The following THSD7B variants were observed in gnomAD, a reference collection of about 807,000 sequenced individuals.
THSD7B encodes thrombospondin type-1 domain-containing protein 7B.
Under a neutral mutation model 213.6 loss-of-function variants are expected in THSD7B, and 138 were observed. The ratio of observed to expected loss-of-function variants is 0.65; its 90% CI spans 0.56 to 0.74. THSD7B has a LOEUF of 0.74. Among genes scored for constraint, THSD7B ranks in the 30% least tolerant of loss-of-function variants. The pLI is 0.00. For missense variants in THSD7B, 1,931 were observed against 1,991.5 expected, an observed-to-expected ratio of 0.97 and a Z score of 0.58; for synonymous variants, 742 against 687.0, an observed-to-expected ratio of 1.08 and a Z score of -1.25.
intron 17 of THSD7B, among the ~76,000 whole-genome samples, chr2:137,598,874 GTTC>G (rs1451897535): frequency 5.2e-5 from 6 of 115,880 alleles, no homozygotes; most frequent in Non-Finnish European, 1.6e-5. Context: ...TTTCATTTTG[GTTC>G]TTTTTTTTTT....
At chr2:137,659,970 A>G (rs1176955962) in intron 25 of THSD7B, among the ~76,000 whole-genome samples, 1 of 152,180 alleles carries the variant, frequency 6.6e-6, no homozygotes, top group Non-Finnish European at 1.5e-5. Flanking sequence ...TCTATCTTTC[A>G]AATACCTAAT....
chr2:137,657,051 A>G lies in THSD7B; in HGVS notation c.4280-14A>G, dbSNP rs367851300. On this transcript the variant is annotated splice_polypyrimidine_tract_variant and intron_variant, in intron 23 of 27. Coordinates refer to ENST00000409968, the MANE Select transcript of THSD7B (RefSeq NM_001316349.2). ...GAGGTGTAATAGAACTGCTATTATCATATTTACTTACAGGAGGCAAATGTT... is the reference window on the plus strand; with the variant it reads ...GAGGTGTAATAGAACTGCTATTATCGTATTTACTTACAGGAGGCAAATGTT... The G allele has an allele frequency of 5.3e-5, 86 of 1,613,828 alleles. No homozygotes were observed. The African/African-American group carries it at 9.3e-4, about 18-fold the overall frequency.
rs1160836942 is a variant in THSD7B at position 137,526,464 on chromosome 2, T to C, written c.3139-36757T>C. Among the ~76,000 whole-genome samples, 5 of 151,998 alleles carry C rather than the reference T, an allele frequency of 3.3e-5. No individual in the cohort carries two copies. In the East Asian group the frequency reaches 7.7e-4, roughly 24 times the overall value. On this transcript the variant is annotated intron_variant, in intron 15 of 27. Coordinates refer to ENST00000409968, the MANE Select transcript of THSD7B (RefSeq NM_001316349.2). Reference sequence around the variant, plus strand: ...TGAGAGAGAATCTCGCTCTGTCACCTAGGCTGGAGTGCAGTGGTGCAATCT... The same window carrying C: ...TGAGAGAGAATCTCGCTCTGTCACCCAGGCTGGAGTGCAGTGGTGCAATCT...
chr2:137,116,447 T>A (rs1334708252), intron 5 of THSD7B, among the ~76,000 whole-genome samples: 1 of 152,222 alleles, frequency 6.6e-6, no homozygotes, highest in Non-Finnish European at 1.5e-5. Context: ...CAGGTTAGTT[T>A]TTCAAACCTT....
chr2:136,791,971 G>C (rs1026877126), intron 1 of THSD7B, among the ~76,000 whole-genome samples: 5 of 152,030 alleles, frequency 3.3e-5, no homozygotes, highest in African/African-American at 1.2e-4. Context: ...GTTTTCCAAA[G>C]CATGATTTTA....
At chr2:137,504,378 C>T (rs1224476798) in intron 15 of THSD7B, among the ~76,000 whole-genome samples, 2 of 152,174 alleles carry the variant, frequency 1.3e-5, no homozygotes, top group African/African-American at 4.8e-5. Flanking sequence ...TCTGTCTAAT[C>T]TAAGACCTAC....
At chr2:137,463,021 C>T (rs1687916493) in intron 15 of THSD7B, among the ~76,000 whole-genome samples, 1 of 152,148 alleles carries the variant, frequency 6.6e-6, no homozygotes, top group South Asian at 2.1e-4. Flanking sequence ...CAGTTTCAGG[C>T]ATCCACTGGG....
chr2:137,307,707 G>A (rs1234430983), intron 12 of THSD7B, among the ~76,000 whole-genome samples: 1 of 152,078 alleles, frequency 6.6e-6, no homozygotes, highest in Non-Finnish European at 1.5e-5. Flanking sequence ...GATAATAATT[G>A]TCTATTCTTT....
chr2:137,537,168 T>C (rs1185722626), intron 15 of THSD7B, among the ~76,000 whole-genome samples: 2 of 151,792 alleles, frequency 1.3e-5, no homozygotes, highest in Non-Finnish European at 2.9e-5. Context: ...GTATTAATAC[T>C]AAGATAGCAC....
At chr2:136,797,328 C>G (rs1489777915) in intron 1 of THSD7B, among the ~76,000 whole-genome samples, 1 of 151,918 alleles carries the variant, frequency 6.6e-6, no homozygotes, top group East Asian at 1.9e-4. Flanking sequence ...CCATGAGTCA[C>G]TAAACCACAC....
In THSD7B at chr2:136,817,545, T is replaced by C. The variant is rs1381540334; in HGVS notation, c.-36+51858T>C. ...ATCTTGAATTGATTTTTGTATAAGG[T>C]GTAAGGAAGGGATCCAGTTTCAGCT... On this transcript the variant is annotated intron_variant, in intron 1 of 27. Transcript: ENST00000409968. Among the ~76,000 whole-genome samples, 10 of 150,350 alleles carry C rather than the reference T, an allele frequency of 6.7e-5. No homozygotes were observed. In the Admixed American group the frequency reaches 6.7e-4, roughly 10 times the overall value.
intron 6 of THSD7B, among the ~76,000 whole-genome samples, chr2:137,170,232 C>CT (rs1199010247): frequency 6.6e-6 from 1 of 152,112 alleles, no homozygotes; most frequent in African/African-American, 2.4e-5. Flanking sequence ...GAGATATTGT[C>CT]TTTATGAGGC....
At chr2:137,167,520 T>C (rs1342727697) in intron 6 of THSD7B, among the ~76,000 whole-genome samples, 2 of 152,146 alleles carry the variant, frequency 1.3e-5, no homozygotes, top group South Asian at 2.1e-4. Flanking sequence ...CACTAACTCA[T>C]GCAGAAATAC....
intron 3 of THSD7B, among the ~76,000 whole-genome samples, chr2:137,065,999 A>T (rs921902868): frequency 6.6e-6 from 1 of 151,856 alleles, no homozygotes. Flanking sequence ...TCCTTCTCCA[A>T]TTGGCAGTTT....
intron 15 of THSD7B, among the ~76,000 whole-genome samples, chr2:137,470,276 C>T (rs1444499285): frequency 6.6e-6 from 1 of 152,206 alleles, no homozygotes; most frequent in African/African-American, 2.4e-5. Context: ...AAGGTTTAAT[C>T]TCTTCACAGA....
chr2:137,253,622 G>T (rs1407166589), intron 10 of THSD7B, among the ~76,000 whole-genome samples: 1 of 152,060 alleles, frequency 6.6e-6, no homozygotes, highest in East Asian at 1.9e-4. Flanking sequence ...GTCGATAGAG[G>T]TAAATGAGTT....
intron 2 of THSD7B, among the ~76,000 whole-genome samples, chr2:137,001,753 A>AC (rs1558882907): frequency 6.6e-6 from 1 of 151,954 alleles, no homozygotes; most frequent in African/African-American, 2.4e-5. Flanking sequence ...GCTTCAACCC[A>AC]CTTTTTCGAA....
chr2:137,287,988 C>T (rs899039052), intron 12 of THSD7B, among the ~76,000 whole-genome samples: 7 of 152,210 alleles, frequency 4.6e-5, no homozygotes, highest in South Asian at 2.1e-4. Context: ...TTCAAATAGA[C>T]GTGAATTCCC....
intron 2 of THSD7B, among the ~76,000 whole-genome samples, chr2:136,966,829 A>G (rs1685322999): frequency 6.6e-6 from 1 of 152,102 alleles, no homozygotes; most frequent in South Asian, 2.1e-4. Flanking sequence ...CCTTCTTTCT[A>G]AGTCCTATAC....
Sources: gnomAD v4.1 joint callset for allele counts (sites outside exome capture counted in the v4.1 genomes callset) on GRCh38, gnomAD v4.1.1 for gene constraint, MANE v1.5 for transcripts, NCBI Gene and HGNC (gene_info 2026-07-23, HGNC 2026-07-21) for gene names.